CUBN: variants seen among roughly 807,000 people sequenced by gnomAD.
CUBN encodes the protein 460 kDa receptor.
In CUBN, 282 loss-of-function variants were observed where a neutral mutation model predicts 405.3. The ratio of observed to expected loss-of-function variants is 0.70; its 90% CI spans 0.63 to 0.77. The LOEUF is 0.77. Among genes scored for constraint, CUBN ranks in the 30% least tolerant of loss-of-function variants. The pLI, the probability that CUBN is intolerant of heterozygous loss-of-function variation, is 0.00. For synonymous variants in CUBN, 1,684 were observed against 1,617.0 expected, an observed-to-expected ratio of 1.04 and a Z score of -0.99; for missense variants, 4,514 against 4,475.2, an observed-to-expected ratio of 1.01 and a Z score of -0.25.
At chr10:16,832,372 A>G (rs1839032422) in intron 64 of CUBN, among the ~76,000 whole-genome samples, 1 of 152,238 alleles carries the variant, frequency 6.6e-6, no homozygotes, top group Admixed American at 6.5e-5. Flanking sequence ...TCACAAAGTT[A>G]AGACATCTTG....
At chr10:16,937,813 T>C in intron 38 of CUBN, 29 bp from the exon 39 acceptor site, 2 of 1,593,076 alleles carry the variant, frequency 1.3e-6, no homozygotes, top group Non-Finnish European at 1.7e-6. Flanking sequence ...AATAGAGCAT[T>C]GTATTATCTA....
intron 66 of CUBN, 58 bp from the exon 67 acceptor site, chr10:16,825,140 A>G: frequency 8.1e-7 from 1 of 1,232,092 alleles, no homozygotes; most frequent in South Asian, 1.3e-5. Flanking sequence ...ACGTTTTTCT[A>G]GGAATGTTAG....
intron 48 of CUBN, among the ~76,000 whole-genome samples, chr10:16,908,071 G>A (rs1298512706): frequency 6.6e-6 from 1 of 152,132 alleles, no homozygotes; most frequent in Non-Finnish European, 1.5e-5. Context: ...TACTTGGAAG[G>A]GAAGCTTAAA....
chr10:17,088,836 GA>G (rs1226459584), intron 14 of CUBN, among the ~76,000 whole-genome samples: 6 of 152,270 alleles, frequency 3.9e-5, no homozygotes, highest in Non-Finnish European at 7.4e-5. Context: ...TTTAATAAAT[GA>G]AAAAATTCAA....
At chr10:16,940,864 TA>T (rs1235202280) in intron 36 of CUBN, among the ~76,000 whole-genome samples, 18 of 152,188 alleles carry the variant, frequency 1.2e-4, no homozygotes, top group Non-Finnish European at 2.6e-4. Flanking sequence ...AGGTGGCACT[TA>T]AATGCGCTGC....
At position 16,874,547 on chromosome 10, in the gene CUBN, C is replaced by T. The variant is rs760588444; in HGVS notation, c.9107-44G>A. The stretch of plus-strand genomic sequence containing the variant: ...GAATATGAAGAGAACAACGATTAGT[C>T]CCAGCATGGAAAAATGATTTTAAGA... On this transcript the variant is annotated intron_variant, in intron 57 of 66. Coordinates refer to ENST00000377833, the MANE Select transcript of CUBN (RefSeq NM_001081.4). 7.4e-6 allele frequency: 12 copies of T among 1,611,122 alleles called. No homozygotes were observed. The African/African-American group carries it at 1.5e-4, about 20-fold the overall frequency.
At chr10:17,092,704 T>C (rs2131287991) in intron 14 of CUBN, among the ~76,000 whole-genome samples, 1 of 152,204 alleles carries the variant, frequency 6.6e-6, no homozygotes, top group East Asian at 1.9e-4. Context: ...TTACCCCACA[T>C]GGTCTAAAAA....
At chr10:16,960,611 CAAATGAAT>C (rs543010489) in intron 31 of CUBN, among the ~76,000 whole-genome samples, 46 of 152,170 alleles carry the variant, frequency 3.0e-4, no homozygotes, top group African/African-American at 1.0e-3. Flanking sequence ...GTTTGATGAA[CAAATGAAT>C]AAATGAATAT....
At chr10:17,098,367 C>T (rs1836423387) in intron 14 of CUBN, among the ~76,000 whole-genome samples, 2 of 152,184 alleles carry the variant, frequency 1.3e-5, no homozygotes, top group Admixed American at 1.3e-4. Flanking sequence ...TGTTCTACAA[C>T]ACTAAATTTG....
chr10:17,078,835 C>T (rs1192186845), intron 17 of CUBN, among the ~76,000 whole-genome samples: 1 of 152,198 alleles, frequency 6.6e-6, no homozygotes, highest in African/African-American at 2.4e-5. Context: ...ACCAGCCATA[C>T]CCTCTATTTG....
rs1264176569 is a variant in CUBN, at chr10:16,874,476, G to T, written c.9134C>A (p.Ser3045Tyr). ...ISCGGVFNFS[S>Y]GIITSPAYSY... The stretch of plus-strand genomic sequence containing the variant: ...ATAGGCAGGACTTGTGATGATTCCA[G>T]AAGAGAAATTGAACACACCACCACA... The change falls in exon 58 of 67, where the codon TCT (serine) becomes TAT (tyrosine). Residue 3045 changes from serine to tyrosine, a missense_variant. Ser to Tyr is a moderately radical substitution (Grantham distance 144). Transcript: ENST00000377833. The T allele has an allele frequency of 1.8e-5, 29 of 1,614,138 alleles. No individual in the cohort carries two copies. Among genetic ancestry groups the T allele is most frequent in the Non-Finnish European group, 2.3e-5 (27 of 1,180,006 alleles).
chr10:16,942,237 T>A (rs1371469716), intron 36 of CUBN, among the ~76,000 whole-genome samples: 1 of 152,178 alleles, frequency 6.6e-6, no homozygotes, highest in Non-Finnish European at 1.5e-5. Context: ...CATAGCCACT[T>A]TGAATAATTA....
chr10:16,865,267 G>A (rs1271047048), intron 59 of CUBN, among the ~76,000 whole-genome samples: 1 of 152,078 alleles, frequency 6.6e-6, no homozygotes, highest in African/African-American at 2.4e-5. Context: ...ACCGTGCCCA[G>A]CCTACCTGAA....
At chr10:16,933,934 G>A (rs1303241696) in intron 39 of CUBN, among the ~76,000 whole-genome samples, 1 of 152,204 alleles carries the variant, frequency 6.6e-6, no homozygotes, top group Non-Finnish European at 1.5e-5. Flanking sequence ...CCCAGGGACA[G>A]GGCTGTTTAC....
intron 27 of CUBN, among the ~76,000 whole-genome samples, chr10:17,037,372 T>C (rs893697910): frequency 1.3e-5 from 2 of 152,214 alleles, no homozygotes; most frequent in African/African-American, 4.8e-5. Context: ...ATCTGATTTA[T>C]TAGGAAAAAT....
chr10:17,008,854 T>G (rs775314358), intron 28 of CUBN, among the ~76,000 whole-genome samples: 3 of 152,118 alleles, frequency 2.0e-5, no homozygotes, highest in Non-Finnish European at 1.5e-5. Flanking sequence ...CTGGTCTGAG[T>G]CACTCTGTGT....
chr10:16,931,025 G>T (rs568435382), intron 40 of CUBN, among the ~76,000 whole-genome samples: 1 of 152,086 alleles, frequency 6.6e-6, no homozygotes, highest in East Asian at 1.9e-4. Flanking sequence ...GGGAGGCCAA[G>T]GTGGGCAGAT....
intron 54 of CUBN, among the ~76,000 whole-genome samples, chr10:16,891,922 G>C (rs567771024): frequency 6.6e-6 from 1 of 152,102 alleles, no homozygotes; most frequent in Non-Finnish European, 1.5e-5. Context: ...TCTATCAACA[G>C]ACAACTATCT....
At chr10:17,003,666 A>G (rs1371797220) in intron 28 of CUBN, among the ~76,000 whole-genome samples, 2 of 152,160 alleles carry the variant, frequency 1.3e-5, no homozygotes, top group Admixed American at 6.5e-5. Context: ...AGGAAGAGAG[A>G]ATGCGGCAAT....
Sources: allele counts gnomAD v4.1 joint callset (sites outside exome capture counted in the v4.1 genomes callset), GRCh38; gene constraint gnomAD v4.1.1; transcripts MANE v1.5; gene names NCBI Gene and HGNC (gene_info 2026-07-23, HGNC 2026-07-21).